RNASEH1: variants seen among roughly 807,000 people sequenced by gnomAD.
RNASEH1 encodes the protein ribonuclease H1.
RNASEH1 carries 27 observed loss-of-function variants against 34.6 expected under a neutral mutation model. That is an observed-to-expected ratio of 0.78 (90% CI 0.58 to 1.08). The LOEUF (loss-of-function observed/expected upper bound fraction) is 1.08. Among genes scored for constraint, RNASEH1 ranks in the 50% least tolerant of loss-of-function variants. The pLI, the probability that RNASEH1 is intolerant of heterozygous loss-of-function variation, is 0.00. For synonymous variants in RNASEH1, 162 were observed against 138.4 expected (o/e 1.17, Z -1.20); for missense variants, 349 against 373.6 (o/e 0.93, Z 0.54).
Position 3,552,282 on chromosome 2 carries a change from A to G in RNASEH1, c.271T>C (p.Ser91Pro). 6.2e-7 allele frequency: 1 copy of G among 1,613,592 alleles called. No individual in the cohort carries two copies. The highest frequency in any genetic ancestry group is 8.5e-7 in the Non-Finnish European group (1 of 1,179,862). ...EGHENQHGQE[S>P]EAKASKRLRE... is the part of the protein sequence containing the mutation. ...AGTCGCTTGCTGGCTTTCGCCTCCG[A>G]TTCTTGTCCATGTTGATTTTCATGC... Residue 91 changes from serine (S) to proline (P), a missense_variant, in exon 3 of 8, where the codon TCG (serine) becomes CCG (proline). Physicochemically the swap from Ser to Pro is moderately conservative, Grantham distance 74. Transcript: ENST00000315212.
At chr2:3,557,714 C>T (rs1660652953) in intron 1 of RNASEH1, 1 of 480,764 alleles carries the variant, frequency 2.1e-6, no homozygotes, top group Non-Finnish European at 4.1e-6. Context: ...CAAATACTGG[C>T]TTATTAGAAT....
rs1226356769 is a variant in RNASEH1 at position 3,550,426 on chromosome 2, C to T, written c.456G>A (p.Gly152=). 3.7e-6 allele frequency: 6 copies of T among 1,614,070 alleles called. No individual in the cohort carries two copies. In the African/African-American group the frequency reaches 5.3e-5, roughly 14 times the overall value. The change falls in exon 4 of 8, where the codon GGG becomes GGA. Residue 152 remains glycine (G), a synonymous_variant. Coordinates refer to ENST00000315212, the MANE Select transcript of RNASEH1 (RefSeq NM_002936.6). The part of the protein sequence containing the change: ...VYTDGCCSSN[G]RRRPRAGIGV... ...CGATTCCTGCTCGCGGCCTTCTACG[C>T]CCATTACTGGAGCAGCAGCCATCAG...
intron 2 of RNASEH1, among the ~76,000 whole-genome samples, chr2:3,553,067 G>A (rs1403730325): frequency 6.6e-6 from 1 of 151,990 alleles, no homozygotes; most frequent in Non-Finnish European, 1.5e-5. Context: ...GGTCAACATG[G>A]TGAAACCCTG....
intron 1 of RNASEH1, among the ~76,000 whole-genome samples, chr2:3,557,335 A>G (rs951512913): frequency 2.0e-5 from 3 of 152,232 alleles, no homozygotes; most frequent in African/African-American, 7.2e-5. Flanking sequence ...CCTGCACGTC[A>G]GACTCTACAC....
rs763849215 is a variant in RNASEH1, at chr2:3,545,772, A to G, written c.*13T>C. The G allele has an allele frequency of 3.1e-6, 5 of 1,598,204 alleles. No homozygotes were observed. Among genetic ancestry groups the G allele is most frequent in the Non-Finnish European group, 4.3e-6 (5 of 1,165,456 alleles). Reference sequence around the variant, plus strand: ...GCTGGCTCAAGTTCTCCCAAGGACTAAAGTCACATGGCTCAGTCTTCCGAT... The same window carrying G: ...GCTGGCTCAAGTTCTCCCAAGGACTGAAGTCACATGGCTCAGTCTTCCGAT... On this transcript the variant is annotated 3_prime_UTR_variant, in exon 8 of 8. Transcript: ENST00000315212.
chr2:3,546,274 T>G lies in RNASEH1; in HGVS notation c.775-403A>C, dbSNP rs532037128. On this transcript the variant is annotated intron_variant, in intron 7 of 7. Coordinates refer to ENST00000315212, the MANE Select transcript of RNASEH1 (RefSeq NM_002936.6). ...TATTTAACCACTGTTTACATTTATG[T>G]TGCCAAAGCAAATTTACACATCAGG... Among the ~76,000 whole-genome samples the G allele has an allele frequency of 2.0e-5, 3 of 152,342 alleles. No homozygotes were observed. In the South Asian group the frequency reaches 6.2e-4, roughly 32 times the overall value.
Position 3,542,469 on chromosome 2 carries a change from G to A in RNASEH1, c.*3316C>T, listed in dbSNP as rs963843201. Among the ~76,000 whole-genome samples the A allele has an allele frequency of 5.9e-5, 9 of 152,130 alleles. No individual in the cohort carries two copies. Among genetic ancestry groups the A allele is most frequent in the Non-Finnish European group, 1.0e-4 (7 of 68,036 alleles). On this transcript the variant is annotated 3_prime_UTR_variant, in exon 8 of 8. Transcript: ENST00000315212. ...AAAGAAAATCTGGGCCAAGAATTTC[G>A]TATCCAGCAAAACTGAATTCAACAT... is the stretch of plus-strand genomic sequence containing the variant.
Position 3,549,870 on chromosome 2 carries a change from T to C in RNASEH1, c.509+503A>G, listed in dbSNP as rs902136649. On this transcript the variant is annotated intron_variant, in intron 4 of 7. Coordinates refer to ENST00000315212, the MANE Select transcript of RNASEH1 (RefSeq NM_002936.6). ...GTGAGGAAGGAGAATGGCGTGAACC[T>C]GGGAAGTGGAGCTTGCAGTGAGCCG... Among the ~76,000 whole-genome samples the C allele has an allele frequency of 6.7e-5, 10 of 148,844 alleles. No homozygotes were observed. In the Admixed American group the frequency reaches 6.7e-4, roughly 10 times the overall value.
At chr2:3,546,655 G>A (rs765551967) in intron 7 of RNASEH1, among the ~76,000 whole-genome samples, 2 of 152,102 alleles carry the variant, frequency 1.3e-5, no homozygotes, top group African/African-American at 4.8e-5. Flanking sequence ...AAACCACACT[G>A]CCTGTGTATT....
At chr2:3,537,119 T>G (rs1558439493), downstream of RNASEH1, among the ~76,000 whole-genome samples, 1 of 152,236 alleles carries the variant, frequency 6.6e-6, no homozygotes, top group Non-Finnish European at 1.5e-5. Context: ...TCAATTTTCT[T>G]CTGGGTTTCA....
At position 3,552,266 on chromosome 2, in the gene RNASEH1, C is replaced by A. The variant is rs200628824; in HGVS notation, c.287G>T (p.Ser96Ile). 2.5e-5 allele frequency: 40 copies of A among 1,613,782 alleles called. No individual in the cohort carries two copies. In the East Asian group the frequency reaches 8.7e-4, roughly 35 times the overall value. ...ATCCAGTGGCTCACGGAGTCGCTTG[C>A]TGGCTTTCGCCTCCGATTCTTGTCC... ...QHGQESEAKA[S>I]KRLREPLDGD... Residue 96 changes from serine (S) to isoleucine (I), a missense_variant, in exon 3 of 8, where the codon AGC (serine) becomes ATC (isoleucine). Transcript: ENST00000315212.
In RNASEH1 at chr2:3,543,776, GATTTT is replaced by G. The variant is rs546141230; in HGVS notation, c.*2004_*2008del. On this transcript the variant is annotated 3_prime_UTR_variant, in exon 8 of 8. Transcript: ENST00000315212. The stretch of plus-strand genomic sequence containing the variant: ...CAGGCAGGCACTACCACACCCACCT[GATTTT>G]ATTTTAATTTTCTGTAGAGACAGGG... Among the ~76,000 whole-genome samples the G allele has an allele frequency of 0.011, 1,656 of 152,134 alleles. 40 individuals carry two copies. Among genetic ancestry groups the G allele is most frequent in the Admixed American group, 0.055 (839 of 15,254 alleles).
In RNASEH1 at chr2:3,558,157, CG is replaced by C; in HGVS notation, c.103del (p.Arg35AlafsTer7). On this transcript the variant is annotated frameshift_variant, in exon 1 of 8. Coordinates refer to ENST00000315212, the MANE Select transcript of RNASEH1 (RefSeq NM_002936.6). LOFTEE classifies it high-confidence loss of function. The part of the protein sequence containing the change: ...FGMFYAVRRG[R>X]KTGVFLTWNE... ...CCAGGTCAGAAAGACCCCGGTCTTG[CG>C]GCCCCTCCTCACGGCATAGAACATC... 1 of 1,601,378 alleles carries C rather than the reference CG, an allele frequency of 6.2e-7. No homozygotes were observed. The highest frequency in any genetic ancestry group is 8.5e-7 in the Non-Finnish European group (1 of 1,175,660).
chr2:3,557,927 T>A, intron 1 of RNASEH1: 1 of 1,531,122 alleles, frequency 6.5e-7, no homozygotes, highest in Non-Finnish European at 8.8e-7. Flanking sequence ...TTCAAACAAG[T>A]CTTCGGTGCG....
chr2:3,536,247 C>G, the RNASEH1 span, among the ~76,000 whole-genome samples: 1 of 152,198 alleles, frequency 6.6e-6, no homozygotes, highest in East Asian at 1.9e-4. Context: ...TCTGGTGAGT[C>G]ACATGTCATA....
At chr2:3,540,710 A>G (rs1668246525), downstream of RNASEH1, among the ~76,000 whole-genome samples, 1 of 152,144 alleles carries the variant, frequency 6.6e-6, no homozygotes. Context: ...CCCAGCCAAC[A>G]TCATCTGTGT....
In RNASEH1 at chr2:3,545,491, A is replaced by G; in HGVS notation, c.*294T>C. 2.8e-6 allele frequency: 1 copy of G among 356,530 alleles called. No individual in the cohort carries two copies. 22.1% of individuals were successfully genotyped at this position (356,530 alleles called of 1,614,324 possible). A position where few individuals can be genotyped will look rare whatever the true frequency, so the allele number is the denominator to read the frequency against. ...ATCAAAATATAAGCCACAGCATTTT[A>G]GGCCATTTGCCTTGCTTGCCTGCAA... On this transcript the variant is annotated 3_prime_UTR_variant, in exon 8 of 8. Transcript: ENST00000315212.
At position 3,549,057 on chromosome 2, in the gene RNASEH1, C is replaced by G; in HGVS notation, c.564+1G>C. On this transcript the variant is annotated splice_donor_variant, in intron 5 of 7. Transcript: ENST00000315212. LOFTEE classifies it high-confidence loss of function. Reference sequence around the variant, plus strand: ...AGGCTTAAACGTATCTGATAACTTACATGAATTTCCGCTCTTTGGTTTGTC... The same window carrying G: ...AGGCTTAAACGTATCTGATAACTTAGATGAATTTCCGCTCTTTGGTTTGTC... 1 of 1,611,914 alleles carries G rather than the reference C, an allele frequency of 6.2e-7. No homozygotes were observed.
intron 4 of RNASEH1, chr2:3,550,105 TG>T: frequency 2.5e-6 from 1 of 400,208 alleles, no homozygotes; most frequent in South Asian, 2.4e-5. Flanking sequence ...TTTGTGCCAC[TG>T]TACTCCATCC....
Sources: gnomAD v4.1 joint callset for allele counts (sites outside exome capture counted in the v4.1 genomes callset) on GRCh38, gnomAD v4.1.1 for gene constraint, MANE v1.5 for transcripts, NCBI Gene and HGNC (gene_info 2026-07-23, HGNC 2026-07-21) for gene names.